Variants in SHC3 observed in about 807,000 individuals in gnomAD.
The protein encoded by SHC3 is SHC adaptor protein 3, also known as SHC-transforming protein 3.
A neutral mutation model predicts 60.4 loss-of-function variants in SHC3; 15 were observed. The observed-to-expected ratio is 0.25, with a 90% confidence interval of 0.17 to 0.38. The LOEUF (loss-of-function observed/expected upper bound fraction) is 0.38. Ranked by LOEUF, SHC3 falls within the 10% of genes least tolerant of loss-of-function variation. The pLI is 1.00. For synonymous variants in SHC3, 294 were observed against 325.9 expected, an observed-to-expected ratio of 0.90 and a Z score of 1.05; for missense variants, 677 against 786.1, an observed-to-expected ratio of 0.86 and a Z score of 1.66.
intron 11 of SHC3, among the ~76,000 whole-genome samples, chr9:89,028,588 CAT>C (rs1169876449): frequency 4.2e-5 from 6 of 143,628 alleles, no homozygotes; most frequent in East Asian, 4.0e-4. Context: ...ATATTACACA[CAT>C]GTTTATGTGT....
chr9:89,147,598 G>A lies in SHC3; in HGVS notation c.474+30389C>T, dbSNP rs182685091. On this transcript the variant is annotated intron_variant, in intron 1 of 11. Coordinates refer to ENST00000375835, the MANE Select transcript of SHC3 (RefSeq NM_016848.6). Reference sequence around the variant, plus strand: ...GCCAAGAAAGCCCTCCTCACTCCTCGAGTAAAAACCTTTCTGATCTTGAAA... The same window carrying A: ...GCCAAGAAAGCCCTCCTCACTCCTCAAGTAAAAACCTTTCTGATCTTGAAA... Among the ~76,000 whole-genome samples, 4 of 151,814 alleles carry A rather than the reference G, an allele frequency of 2.6e-5. No homozygotes were observed. The East Asian group carries it at 5.8e-4, about 22-fold the overall frequency.
chr9:89,073,064 C>G (rs1360027517), intron 4 of SHC3, among the ~76,000 whole-genome samples: 1 of 152,130 alleles, frequency 6.6e-6, no homozygotes, highest in Non-Finnish European at 1.5e-5. Context: ...TCTCTGGAAT[C>G]TTCCCTCTGG....
Position 89,071,226 on chromosome 9 carries a change from G to A in SHC3, c.756C>T (p.Ser252=). Residue 252 remains serine, a synonymous_variant, in exon 5 of 12, where the codon TCC becomes TCT. Coordinates refer to ENST00000375835, the MANE Select transcript of SHC3 (RefSeq NM_016848.6). ...GGTCTCCCCCAGAGGCGAAGGAGAT[G>A]GACCGCATGTGGTGATTCGCTATGA... The part of the protein sequence containing the change: ...KQIIANHHMR[S]ISFASGGDPD... The A allele has an allele frequency of 6.2e-7, 1 of 1,614,122 alleles. No individual in the cohort carries two copies. Among genetic ancestry groups the A allele is most frequent in the Non-Finnish European group, 8.5e-7 (1 of 1,180,004 alleles).
chr9:89,007,515 C>T lies in SHC3; in HGVS notation c.*5932G>A, dbSNP rs1418719319. The T allele has an allele frequency of 6.6e-6, 1 of 152,276 alleles. No individual in the cohort carries two copies. The highest frequency in any genetic ancestry group is 6.5e-5 in the Admixed American group (1 of 15,278). The allele number at this position is 152,276 out of a possible 1,614,324, so 9.4% of individuals were successfully genotyped here. On this transcript the variant is annotated 3_prime_UTR_variant, in exon 12 of 12. Coordinates refer to ENST00000375835, the MANE Select transcript of SHC3 (RefSeq NM_016848.6). ...GGCCAGCCACATATTAACTAATGCA[C>T]AAATGAGGCCAAGAAACTGGCTAGA...
intron 1 of SHC3, among the ~76,000 whole-genome samples, chr9:89,162,579 T>C (rs977004896): frequency 1.3e-5 from 2 of 152,080 alleles, no homozygotes; most frequent in Admixed American, 1.3e-4. Flanking sequence ...TTACGCCTTA[T>C]ACAAAAATCA....
chr9:89,049,668 T>C (rs950530150), intron 7 of SHC3, among the ~76,000 whole-genome samples: 1 of 152,250 alleles, frequency 6.6e-6, no homozygotes, highest in African/African-American at 2.4e-5. Context: ...GTATTTAAAT[T>C]TGGCCTAAAG....
At chr9:89,168,517 A>C (rs895773147) in intron 1 of SHC3, among the ~76,000 whole-genome samples, 42 of 152,166 alleles carry the variant, frequency 2.8e-4, no homozygotes, top group Non-Finnish European at 3.5e-4. Flanking sequence ...ATAACATCTG[A>C]GACTCTTTCA....
chr9:89,035,852 T>TATATATATATATA (rs372898972), intron 11 of SHC3, among the ~76,000 whole-genome samples: 8 of 82,116 alleles, frequency 9.7e-5, no homozygotes, highest in Non-Finnish European at 1.9e-4. Context: ...TATATATAGA[T>TATATATATATATA]GTGTGTGTGT....
intron 11 of SHC3, among the ~76,000 whole-genome samples, chr9:89,036,963 T>TAAAAA (rs34705440): frequency 7.0e-6 from 1 of 141,962 alleles, no homozygotes. Context: ...ACATATATGT[T>TAAAAA]AAAAAAAAAA....
intron 1 of SHC3, among the ~76,000 whole-genome samples, chr9:89,170,381 C>T (rs1162687161): frequency 6.6e-6 from 1 of 152,242 alleles, no homozygotes; most frequent in Non-Finnish European, 1.5e-5. Context: ...CACAGTGGCT[C>T]ATGCCTGTAA....
At chr9:89,014,859 T>G (rs999274358) in intron 11 of SHC3, among the ~76,000 whole-genome samples, 1 of 152,162 alleles carries the variant, frequency 6.6e-6, no homozygotes, top group Non-Finnish European at 1.5e-5. Flanking sequence ...CCACCCAAGG[T>G]GCTCTGAGAA....
chr9:89,020,912 T>A (rs1032319084), intron 11 of SHC3, among the ~76,000 whole-genome samples: 2 of 152,142 alleles, frequency 1.3e-5, no homozygotes, highest in African/African-American at 4.8e-5. Flanking sequence ...GGTGGAAGGA[T>A]GCAGGGGAGA....
intron 5 of SHC3, among the ~76,000 whole-genome samples, chr9:89,066,517 G>A (rs1240915429): frequency 6.6e-6 from 1 of 152,004 alleles, no homozygotes; most frequent in African/African-American, 2.4e-5. Flanking sequence ...AGTAGACCAC[G>A]GCAACCATAT....
chr9:89,072,060 A>G (rs1825282824), intron 4 of SHC3, among the ~76,000 whole-genome samples: 1 of 152,240 alleles, frequency 6.6e-6, no homozygotes, highest in Admixed American at 6.5e-5. Context: ...TGTAACATTT[A>G]TATACTGATT....
At chr9:89,035,856 T>TATATATATATATATATATATATATA (rs1317555722) in intron 11 of SHC3, among the ~76,000 whole-genome samples, 1 of 88,994 alleles carries the variant, frequency 1.1e-5, no homozygotes, top group Non-Finnish European at 2.4e-5. Context: ...TATAGATGTG[T>TATATATATATATATATATATATATA]GTGTGTGTGT....
chr9:89,136,135 C>T (rs528744153), intron 1 of SHC3, among the ~76,000 whole-genome samples: 3 of 152,224 alleles, frequency 2.0e-5, no homozygotes, highest in South Asian at 2.1e-4. Context: ...AATATCATTA[C>T]CCCTATTCAG....
chr9:89,151,067 G>A (rs1288941261), intron 1 of SHC3, among the ~76,000 whole-genome samples: 2 of 151,000 alleles, frequency 1.3e-5, no homozygotes, highest in Non-Finnish European at 1.5e-5. Flanking sequence ...TTCCCAGGCT[G>A]GAGTGCAGTG....
chr9:89,157,284 C>T (rs952035837), intron 1 of SHC3, among the ~76,000 whole-genome samples: 1 of 152,120 alleles, frequency 6.6e-6, no homozygotes, highest in African/African-American at 2.4e-5. Context: ...AAGAGATAAG[C>T]AAAGGAAAAT....
At chr9:89,165,675 G>C (rs78020913) in intron 1 of SHC3, among the ~76,000 whole-genome samples, 1,749 of 152,252 alleles carry the variant, frequency 0.011, 29 homozygotes, top group African/African-American at 0.037. Context: ...GTGATGACTT[G>C]GGGGGTCTCA....
Sources: gnomAD v4.1 joint callset for allele counts (sites outside exome capture counted in the v4.1 genomes callset) on GRCh38, gnomAD v4.1.1 for gene constraint, MANE v1.5 for transcripts, NCBI Gene and HGNC (gene_info 2026-07-23, HGNC 2026-07-21) for gene names.